The following SMCHD1 variants were observed in gnomAD, a reference collection of about 807,000 sequenced individuals.
The protein encoded by SMCHD1 is structural maintenance of chromosomes flexible hinge domain-containing protein 1.
A neutral mutation model predicts 254.7 loss-of-function variants in SMCHD1; 78 were observed. The ratio of observed to expected loss-of-function variants is 0.31; its 90% CI spans 0.26 to 0.37. The LOEUF is 0.37. Ranked by LOEUF, SMCHD1 falls within the 10% of genes least tolerant of loss-of-function variation. The probability of loss-of-function intolerance (pLI) is 1.00; values close to 1 mark genes in which losing one functional copy is unlikely to be tolerated. For synonymous variants in SMCHD1, 766 were observed against 794.9 expected, an observed-to-expected ratio of 0.96 and a Z score of 0.61; for missense variants, 1,840 against 2,408.1, an observed-to-expected ratio of 0.76 and a Z score of 4.94.
At position 2,718,318 on chromosome 18, in the gene SMCHD1, A is replaced by G; in HGVS notation, c.2342A>G (p.Asn781Ser). ...AATTTCTTCTTAATTTATCCAGAAA[A>G]TATTCAGAAGTTGGGGAATTATACC... ...KWPYWFKKME[N>S]IQKLGNYTLK... The change falls in exon 19 of 48, where the codon AAT (asparagine) becomes AGT (serine). Residue 781 changes from asparagine to serine, a missense_variant. Asn to Ser is a conservative substitution (Grantham distance 46). Transcript: ENST00000320876. This position sits in a 1 kb window ranked among gnomAD's most constrained non-coding sequence, Gnocchi z 4.6. 1 of 1,609,806 alleles carries G rather than the reference A, an allele frequency of 6.2e-7. No homozygotes were observed. Among genetic ancestry groups the G allele is most frequent in the Non-Finnish European group, 8.5e-7 (1 of 1,177,616 alleles).
chr18:2,709,992 T>C (rs956679092), intron 17 of SMCHD1, among the ~76,000 whole-genome samples: 17 of 152,242 alleles, frequency 1.1e-4, no homozygotes, highest in Admixed American at 8.5e-4. Context: ...TACGAAGCTT[T>C]TCCTGAATGT....
intron 39 of SMCHD1, among the ~76,000 whole-genome samples, 160 bp from the exon 40 acceptor site, chr18:2,771,373 G>A (rs772298691): frequency 1.3e-5 from 2 of 152,040 alleles, no homozygotes; most frequent in Non-Finnish European, 2.9e-5. Flanking sequence ...GCCTTAAGAT[G>A]TATAGTTTAA....
chr18:2,712,424 G>A lies in SMCHD1; in HGVS notation c.2260+4504G>A, dbSNP rs561519178. On this transcript the variant is annotated intron_variant, in intron 17 of 47. Coordinates refer to ENST00000320876, the MANE Select transcript of SMCHD1 (RefSeq NM_015295.3). Reference sequence around the variant, plus strand: ...GTATCACACTAAAGTACAGTTGACCGTTGAAAAACATGGGTTTGAACTGTG... The same window carrying A: ...GTATCACACTAAAGTACAGTTGACCATTGAAAAACATGGGTTTGAACTGTG... Among the ~76,000 whole-genome samples, 19 of 152,236 alleles carry A rather than the reference G, an allele frequency of 1.2e-4. No homozygotes were observed. In the East Asian group the frequency reaches 1.5e-3, roughly 12 times the overall value.
chr18:2,656,100 C>T lies in SMCHD1; in HGVS notation c.25C>T (p.Pro9Ser). Residue 9 changes from proline (P) to serine (S), a missense_variant, in exon 1 of 48, where the codon CCT becomes TCT. Physicochemically the swap from Pro to Ser is moderately conservative, Grantham distance 74. This residue lies in a region of SMCHD1 where 115 missense variants were observed against 99.1 expected (regional missense o/e 1.16). Transcript: ENST00000320876. MAAADGGG[P>S]GGASVGTEED... The stretch of plus-strand genomic sequence containing the variant: ...TATGGCAGCGGCGGACGGCGGCGGG[C>T]CTGGTGGGGCCTCTGTGGGGACTGA... 4.3e-6 allele frequency: 6 copies of T among 1,411,668 alleles called. No homozygotes were observed. The highest frequency in any genetic ancestry group is 5.6e-6 in the Non-Finnish European group (6 of 1,080,666). 87.4% of individuals were successfully genotyped at this position (1,411,668 alleles called of 1,614,324 possible).
At chr18:2,750,623 CA>C (rs1223134891) in intron 32 of SMCHD1, 116 bp downstream of exon 32, 9 of 736,700 alleles carry the variant, frequency 1.2e-5, no homozygotes, top group Non-Finnish European at 1.4e-5. Context: ...GACAGGGAAG[CA>C]AATGATTTCA....
At chr18:2,778,287 G>A in intron 44 of SMCHD1, 48 bp downstream of exon 44, 1 of 1,314,358 alleles carries the variant, frequency 7.6e-7, no homozygotes, top group Non-Finnish European at 1.1e-6. Flanking sequence ...GTTTTAATGT[G>A]TATCATGTCC....
At chr18:2,687,125 A>T (rs953903217) in intron 5 of SMCHD1, among the ~76,000 whole-genome samples, 1 of 152,184 alleles carries the variant, frequency 6.6e-6, no homozygotes, top group Non-Finnish European at 1.5e-5. Context: ...TCCTGAAATG[A>T]CACTTTTGTT....
intron 17 of SMCHD1, among the ~76,000 whole-genome samples, chr18:2,712,666 C>T (rs574220775): frequency 6.6e-6 from 1 of 152,284 alleles, no homozygotes; most frequent in East Asian, 1.9e-4. Context: ...TTCGTTCTGC[C>T]CATTCAAGTC....
At chr18:2,712,265 G>T (rs2074696106) in intron 17 of SMCHD1, among the ~76,000 whole-genome samples, 5 of 139,556 alleles carry the variant, frequency 3.6e-5, no homozygotes, top group East Asian at 2.1e-4. Context: ...GTCTGACTTT[G>T]GTATCAGATA....
rs1009403252 is a variant in SMCHD1, at chr18:2,768,669, TGTACTATATACTATACTACTAGTATA to T, written c.4720-1006_4720-981del. Among the ~76,000 whole-genome samples the T allele has an allele frequency of 6.2e-4, 70 of 113,354 alleles. 1 individual carries two copies. The highest frequency in any genetic ancestry group is 1.0e-3 in the African/African-American group (37 of 35,292). 74.4% of individuals were successfully genotyped at this position (113,354 alleles called of 152,430 possible). ...ATACAGTATATAGTATAGTATATAGTGTACTATATACTATACTACTAGTATAGTACTATATACTATACTATACATAA... is the reference window on the plus strand; with the variant it reads ...ATACAGTATATAGTATAGTATATAGTGTACTATATACTATACTATACATAA... On this transcript the variant is annotated intron_variant, in intron 37 of 47. Coordinates refer to ENST00000320876, the MANE Select transcript of SMCHD1 (RefSeq NM_015295.3).
intron 1 of SMCHD1, among the ~76,000 whole-genome samples, chr18:2,660,480 T>G (rs1275828274): frequency 2.0e-5 from 3 of 149,788 alleles, no homozygotes; most frequent in Non-Finnish European, 3.0e-5. Context: ...TGGTTTTTTT[T>G]TTTTTTTTTT....
Position 2,707,558 on chromosome 18 carries a change from A to G in SMCHD1, c.2064-5A>G. 6.3e-7 allele frequency: 1 copy of G among 1,585,612 alleles called. No homozygotes were observed. Among genetic ancestry groups the G allele is most frequent in the East Asian group, 2.2e-5 (1 of 44,446 alleles). On this transcript the variant is annotated splice_polypyrimidine_tract_variant and splice_region_variant and intron_variant, in intron 15 of 47. Coordinates refer to ENST00000320876, the MANE Select transcript of SMCHD1 (RefSeq NM_015295.3). ...TGGAACATTAATATGCTGGTTTCATAACAGGCTCCCTGATAGATTGTCAGT... is the reference window on the plus strand; with the variant it reads ...TGGAACATTAATATGCTGGTTTCATGACAGGCTCCCTGATAGATTGTCAGT...
chr18:2,799,409 A>G (rs907430582), intron 47 of SMCHD1, among the ~76,000 whole-genome samples: 5 of 152,270 alleles, frequency 3.3e-5, no homozygotes, highest in African/African-American at 1.2e-4. Context: ...ATGATCGTAA[A>G]ATCTTGTATC....
At chr18:2,738,666 C>T (rs2075295355) in intron 26 of SMCHD1, 121 bp downstream of exon 26, 4 of 890,980 alleles carry the variant, frequency 4.5e-6, no homozygotes, top group Non-Finnish European at 6.2e-6. Context: ...AATAGATTGT[C>T]TTTGGAATAA....
chr18:2,773,104 C>T (rs1437292443), intron 41 of SMCHD1, among the ~76,000 whole-genome samples: 1 of 152,174 alleles, frequency 6.6e-6, no homozygotes, highest in Non-Finnish European at 1.5e-5. Flanking sequence ...CACAAATATA[C>T]TGTCCACTGA....
At position 2,803,238 on chromosome 18, in the gene SMCHD1, T is replaced by C. The variant is rs544099470; in HGVS notation, c.*686T>C. The C allele has an allele frequency of 1.1e-4, 17 of 148,018 alleles. No individual in the cohort carries two copies. Among genetic ancestry groups the C allele is most frequent in the Non-Finnish European group, 2.5e-4 (17 of 67,174 alleles). 9.2% of individuals were successfully genotyped at this position (148,018 alleles called of 1,614,324 possible). On this transcript the variant is annotated 3_prime_UTR_variant, in exon 48 of 48. Coordinates refer to ENST00000320876, the MANE Select transcript of SMCHD1 (RefSeq NM_015295.3). ...TATATAAATATATATATATAAAATA[T>C]TCAGCAGCACCAAGTTTTATAACTA...
chr18:2,770,227 C>T, intron 39 of SMCHD1, 119 bp downstream of exon 39: 1 of 1,027,040 alleles, frequency 9.7e-7, no homozygotes, highest in Non-Finnish European at 1.4e-6. Context: ...CAGAATGTTT[C>T]AGAAAGGTGG....
intron 17 of SMCHD1, among the ~76,000 whole-genome samples, chr18:2,713,688 T>A (rs548937017): frequency 3.9e-5 from 6 of 152,110 alleles, no homozygotes; most frequent in Admixed American, 2.0e-4. Context: ...CATCTCAAAA[T>A]ATATATATGT....
chr18:2,784,979 A>C, intron 45 of SMCHD1: 1 of 365,670 alleles, frequency 2.7e-6, no homozygotes, highest in Non-Finnish European at 5.2e-6. Context: ...TTCTGTCATT[A>C]TTGAATAAGT....
Sources: allele counts gnomAD v4.1 joint callset (sites outside exome capture counted in the v4.1 genomes callset), GRCh38; gene constraint gnomAD v4.1.1; regional missense constraint gnomAD v4.1.1; non-coding constraint Gnocchi (gnomAD v3.1); transcripts MANE v1.5; gene names NCBI Gene and HGNC (gene_info 2026-07-23, HGNC 2026-07-21).